Variants in TUNAR observed in about 807,000 individuals in gnomAD.
TUNAR encodes transmembrane neural differentiation associated intracellular calcium regulator.
Position 95,900,052 on chromosome 14 carries a change from C to T in TUNAR, c.13-22729C>T, listed in dbSNP as rs1889327017. 2.0e-5 allele frequency among the ~76,000 whole-genome samples: 3 copies of T among 152,208 alleles called. No individual in the cohort carries two copies. The South Asian group carries it at 6.2e-4, about 32-fold the overall frequency. ...TCCAGCTTTGGGATGCTCCTTAAAT[C>T]ACATGGAATCTGAGACTGAGCCATT... On this transcript the variant is annotated intron_variant, in intron 2 of 2. Transcript: ENST00000678517.
intron 2 of TUNAR, among the ~76,000 whole-genome samples, chr14:95,884,714 G>A (rs1377947488): frequency 1.3e-5 from 2 of 152,098 alleles, no homozygotes; most frequent in Admixed American, 6.5e-5. Flanking sequence ...TTGATCCCAG[G>A]GCCCTGTCAT....
intron 2 of TUNAR, among the ~76,000 whole-genome samples, chr14:95,889,436 C>T (rs1326523249): frequency 2.0e-5 from 3 of 151,588 alleles, no homozygotes; most frequent in Admixed American, 6.6e-5. Flanking sequence ...CTTGCCCTTC[C>T]ACCTCCACCC....
At chr14:95,923,842 G>A (rs893628845) in exon 3 of TUNAR, 22 of 152,066 alleles carry the variant, frequency 1.4e-4, no homozygotes, top group Admixed American at 1.2e-3. Context: ...TTGTTATCTC[G>A]GAGATATAAA....
chr14:95,913,842 C>T (rs142366592), intron 2 of TUNAR, among the ~76,000 whole-genome samples: 2,728 of 152,332 alleles, frequency 0.018, 95 homozygotes, highest in East Asian at 0.13. Flanking sequence ...AAGCGATTCT[C>T]CTGCCTCAGC....
intron 2 of TUNAR, among the ~76,000 whole-genome samples, chr14:95,915,215 A>G (rs1362106440): frequency 6.6e-6 from 1 of 152,214 alleles, no homozygotes; most frequent in African/African-American, 2.4e-5. Flanking sequence ...GTTGCATGCA[A>G]CAGATACTGG....
At chr14:95,898,499 T>C (rs1340961135) in intron 2 of TUNAR, among the ~76,000 whole-genome samples, 3 of 152,246 alleles carry the variant, frequency 2.0e-5, no homozygotes, top group African/African-American at 4.8e-5. Context: ...TATCTGAGCC[T>C]CTTACTTGTC....
chr14:95,921,704 T>C (rs2139674354), intron 2 of TUNAR, among the ~76,000 whole-genome samples: 2 of 152,300 alleles, frequency 1.3e-5, no homozygotes, highest in East Asian at 3.9e-4. Flanking sequence ...AAAGCCACTC[T>C]CCTGAGTTTT....
chr14:95,878,726 T>C (rs1418716522), intron 2 of TUNAR, among the ~76,000 whole-genome samples: 1 of 152,220 alleles, frequency 6.6e-6, no homozygotes, highest in Non-Finnish European at 1.5e-5. Context: ...CTGTGCTTAA[T>C]AGATTATTTA....
intron 2 of TUNAR, among the ~76,000 whole-genome samples, chr14:95,889,690 C>A (rs2139655871): frequency 6.6e-6 from 1 of 152,292 alleles, no homozygotes; most frequent in South Asian, 2.1e-4. Context: ...GACTCATCTT[C>A]CCTGTAAGCC....
At chr14:95,922,033 C>T (rs1389195281) in intron 2 of TUNAR, among the ~76,000 whole-genome samples, 1 of 152,170 alleles carries the variant, frequency 6.6e-6, no homozygotes, top group Non-Finnish European at 1.5e-5. Context: ...AGATGAAGCC[C>T]ATGGGAGCAG....
At chr14:95,880,663 C>T (rs1313253412) in intron 2 of TUNAR, among the ~76,000 whole-genome samples, 1 of 152,122 alleles carries the variant, frequency 6.6e-6, no homozygotes, top group Admixed American at 6.6e-5. Flanking sequence ...ATGGAGAGTA[C>T]TTTAGTTAGA....
chr14:95,895,350 G>T lies in TUNAR; in HGVS notation c.12+18173G>T, dbSNP rs1171426140. Among the ~76,000 whole-genome samples the T allele has an allele frequency of 6.6e-6, 1 of 152,168 alleles. No individual in the cohort carries two copies. The highest frequency in any genetic ancestry group is 2.4e-5 in the African/African-American group (1 of 41,448). Reference sequence around the variant, plus strand: ...TTTGATAGAGTGAGGGAAGTGTGGGGCCCTGTTTTAGCTCCGTAGCCAAAG... The same window carrying T: ...TTTGATAGAGTGAGGGAAGTGTGGGTCCCTGTTTTAGCTCCGTAGCCAAAG... On this transcript the variant is annotated intron_variant, in intron 2 of 2. Coordinates refer to ENST00000678517, the Ensembl canonical transcript of TUNAR. The surrounding 1 kb of genome is among the most constrained non-coding windows in gnomAD (Gnocchi z 4.5).
chr14:95,921,354 T>C (rs1889694187), intron 2 of TUNAR, among the ~76,000 whole-genome samples: 1 of 152,086 alleles, frequency 6.6e-6, no homozygotes, highest in African/African-American at 2.4e-5. Context: ...GTGGAAGAAA[T>C]GTAGCTATGG....
chr14:95,916,147 G>A (rs768697268), intron 2 of TUNAR, among the ~76,000 whole-genome samples: 2 of 152,202 alleles, frequency 1.3e-5, no homozygotes, highest in Admixed American at 6.5e-5. Flanking sequence ...TAGAATGTAA[G>A]TATAAAGAGC....
At chr14:95,902,982 GGA>G (rs1889379505) in intron 2 of TUNAR, among the ~76,000 whole-genome samples, 1 of 152,164 alleles carries the variant, frequency 6.6e-6, no homozygotes, top group Non-Finnish European at 1.5e-5. Flanking sequence ...ATGTAGGAGT[GGA>G]GAGAGAGAAA....
At chr14:95,890,793 G>C (rs1443670658) in intron 2 of TUNAR, among the ~76,000 whole-genome samples, 2 of 152,218 alleles carry the variant, frequency 1.3e-5, no homozygotes, top group African/African-American at 2.4e-5. Flanking sequence ...AATCGTGAAA[G>C]TATTTTAAAT....
chr14:95,885,582 T>G (rs1889063637), intron 2 of TUNAR, among the ~76,000 whole-genome samples: 1 of 152,016 alleles, frequency 6.6e-6, no homozygotes, highest in South Asian at 2.1e-4. Flanking sequence ...GCCTGTTTAT[T>G]GGGGAGAGGG....
intron 2 of TUNAR, among the ~76,000 whole-genome samples, chr14:95,886,055 A>T (rs1889071154): frequency 6.6e-6 from 1 of 152,200 alleles, no homozygotes; most frequent in Admixed American, 6.5e-5. Flanking sequence ...ACTCTAGCCA[A>T]CAGGAAATGG....
At chr14:95,913,561 A>G (rs909234218) in intron 2 of TUNAR, among the ~76,000 whole-genome samples, 1 of 152,148 alleles carries the variant, frequency 6.6e-6, no homozygotes, top group Non-Finnish European at 1.5e-5. Context: ...GCAAGGGACA[A>G]ACTCCATTTC....
Sources: gnomAD v4.1 joint callset for allele counts (sites outside exome capture counted in the v4.1 genomes callset) on GRCh38, gnomAD v4.1.1 for gene constraint, Gnocchi (gnomAD v3.1) non-coding constraint, MANE v1.5 for transcripts, NCBI Gene and HGNC (gene_info 2026-07-23, HGNC 2026-07-21) for gene names.